The following PFKFB3 variants were observed in gnomAD, a reference collection of about 807,000 sequenced individuals.
The protein encoded by PFKFB3 is 6-phosphofructo-2-kinase/fructose-2,6-biphosphatase 3.
PFKFB3 carries 33 observed loss-of-function variants against 68.0 expected under a neutral mutation model. That is an observed-to-expected ratio of 0.49 (90% CI 0.37 to 0.65). PFKFB3 has a LOEUF of 0.65. Ranked by LOEUF, PFKFB3 falls within the 30% of genes least tolerant of loss-of-function variation. The pLI is 0.00. For missense variants in PFKFB3, 586 were observed against 712.2 expected, an observed-to-expected ratio of 0.82 and a Z score of 2.02; for synonymous variants, 315 against 288.2, an observed-to-expected ratio of 1.09 and a Z score of -0.94.
At chr10:6,311,350 GTT>G in the PFKFB3 span, among the ~76,000 whole-genome samples, 1 of 152,180 alleles carries the variant, frequency 6.6e-6, no homozygotes, top group Non-Finnish European at 1.5e-5. Flanking sequence ...AGGTAGTTCT[GTT>G]CCTGCCACCT....
At chr10:6,207,173 C>T (rs558572468) in intron 1 of PFKFB3, among the ~76,000 whole-genome samples, 156 of 151,890 alleles carry the variant, frequency 1.0e-3, no homozygotes, top group African/African-American at 3.4e-3. Flanking sequence ...AACGAGACTC[C>T]GTCTGCAATC....
At chr10:6,275,064 G>A in the PFKFB3 span, among the ~76,000 whole-genome samples, 5 of 152,154 alleles carry the variant, frequency 3.3e-5, no homozygotes, top group Non-Finnish European at 5.9e-5. The surrounding 1 kb of genome is among the most constrained non-coding windows in gnomAD (Gnocchi z 4.9). Flanking sequence ...TCCACTAGGG[G>A]ACTTTTGGGG....
intron 14 of PFKFB3, among the ~76,000 whole-genome samples, chr10:6,241,449 G>T (rs924317684): frequency 1.3e-5 from 2 of 152,212 alleles, no homozygotes; most frequent in Admixed American, 6.5e-5. Context: ...TTAGGAAGGA[G>T]TCACTTAGTC....
In PFKFB3 at chr10:6,206,823, TCCTCACTTCCCAGACGGGGTGGCGGCC is replaced by T. The variant is rs1843772468; in HGVS notation, c.76+3488_76+3514del. On this transcript the variant is annotated intron_variant, in intron 1 of 14. Transcript: ENST00000379775. ...ACGATGGGCGGCCGGGCAGAGACGC[TCCTCACTTCCCAGACGGGGTGGCGGCC>T]GGGCAGAGACGCTCCTCACTTTCCA... Among the ~76,000 whole-genome samples, 4 of 19,546 alleles carry T rather than the reference TCCTCACTTCCCAGACGGGGTGGCGGCC, an allele frequency of 2.0e-4. 1 individual carries two copies. Among genetic ancestry groups the T allele is most frequent in the South Asian group, 4.5e-3 (2 of 440 alleles). The allele number at this position is 19,546 out of a possible 152,430, so 12.8% of individuals were successfully genotyped here. A position where few individuals can be genotyped will look rare whatever the true frequency, so the allele number is the denominator to read the frequency against.
At chr10:6,185,303 C>T (rs1250492761) in intron 1 of PFKFB3, among the ~76,000 whole-genome samples, 2 of 152,188 alleles carry the variant, frequency 1.3e-5, no homozygotes, top group African/African-American at 2.4e-5. Flanking sequence ...TGGGGTGGGC[C>T]GTTCCGAGCT....
At chr10:6,281,956 ATT>A in the PFKFB3 span, among the ~76,000 whole-genome samples, 4 of 142,974 alleles carry the variant, frequency 2.8e-5, no homozygotes, top group African/African-American at 2.6e-5. Flanking sequence ...CAGAGCATGA[ATT>A]TTTTTTTTTT....
the PFKFB3 span, among the ~76,000 whole-genome samples, chr10:6,326,266 C>T: frequency 6.6e-6 from 1 of 152,106 alleles, no homozygotes; most frequent in African/African-American, 2.4e-5. Flanking sequence ...GGGAACATCA[C>T]ACACTGGGGT....
chr10:6,286,604 C>G, the PFKFB3 span, among the ~76,000 whole-genome samples: 1 of 150,734 alleles, frequency 6.6e-6, no homozygotes, highest in African/African-American at 2.4e-5. Flanking sequence ...TCTCAAACTT[C>G]TGACCTCACA....
rs3084010 is a variant in PFKFB3, at chr10:6,220,942, GTGCTGC to G, written c.831+100_831+105del. The G allele has an allele frequency of 6.4e-4, 569 of 887,098 alleles. No individual in the cohort carries two copies. Among genetic ancestry groups the G allele is most frequent in the Middle Eastern group, 1.1e-3 (5 of 4,480 alleles). 55.0% of individuals were successfully genotyped at this position (887,098 alleles called of 1,614,324 possible). A position where few individuals can be genotyped will look rare whatever the true frequency, so the allele number is the denominator to read the frequency against. Reference sequence around the variant, plus strand: ...GTCTATAGGGTGGGTGGGGAGCTGTGTGCTGCTGCTGCTGCTGCTGCTGCTGCTTGG... The same window carrying G: ...GTCTATAGGGTGGGTGGGGAGCTGTGTGCTGCTGCTGCTGCTGCTGCTTGG... On this transcript the variant is annotated intron_variant, in intron 8 of 14. Coordinates refer to ENST00000379775, the MANE Select transcript of PFKFB3 (RefSeq NM_004566.4). This position sits in a 1 kb window ranked among gnomAD's most constrained non-coding sequence, Gnocchi z 4.1.
chr10:6,155,749 G>A (rs1048003215), intron 1 of PFKFB3, among the ~76,000 whole-genome samples: 8 of 152,168 alleles, frequency 5.3e-5, no homozygotes, highest in African/African-American at 1.9e-4. Flanking sequence ...CGACAGTCAG[G>A]TCACCCCTAC....
At chr10:6,302,075 AAC>A in the PFKFB3 span, among the ~76,000 whole-genome samples, 1 of 149,934 alleles carries the variant, frequency 6.7e-6, no homozygotes, top group Non-Finnish European at 1.5e-5. Flanking sequence ...TTTTTTTTGA[AAC>A]AGAGTCTTGC....
intron 14 of PFKFB3, among the ~76,000 whole-genome samples, chr10:6,230,888 G>T (rs1384044492): frequency 6.6e-6 from 1 of 152,098 alleles, no homozygotes; most frequent in Non-Finnish European, 1.5e-5. Flanking sequence ...GCTAATGTTT[G>T]TATTTTTAGT....
intron 6 of PFKFB3, among the ~76,000 whole-genome samples, chr10:6,219,072 A>G (rs1343624590): frequency 6.6e-6 from 1 of 152,244 alleles, no homozygotes; most frequent in Non-Finnish European, 1.5e-5. Flanking sequence ...TTGGAGAAGC[A>G]GTTAACCACG....
intron 12 of PFKFB3, 23 bp from the exon 13 acceptor site, chr10:6,224,126 T>A (rs1461576127): frequency 6.2e-7 from 1 of 1,614,122 alleles, no homozygotes; most frequent in Non-Finnish European, 8.5e-7. Flanking sequence ...CAGCTTCCTC[T>A]GCCCCCATCC....
At chr10:6,324,933 T>C in the PFKFB3 span, among the ~76,000 whole-genome samples, 1 of 152,076 alleles carries the variant, frequency 6.6e-6, no homozygotes, top group Non-Finnish European at 1.5e-5. Flanking sequence ...AATACATACA[T>C]AGGTATATAC....
rs897715654 is a variant in PFKFB3, at chr10:6,233,097, G to A, written c.*155G>A. The A allele has an allele frequency of 7.7e-5, 50 of 651,496 alleles. No homozygotes were observed. Among genetic ancestry groups the A allele is most frequent in the Non-Finnish European group, 1.1e-4 (40 of 366,402 alleles). The allele number at this position is 651,496 out of a possible 1,614,324, so 40.4% of individuals were successfully genotyped here. On this transcript the variant is annotated 3_prime_UTR_variant, in exon 15 of 15. Transcript: ENST00000379775. ...GCCGAAGAGAACCATGCTTGGCACC[G>A]TCTGTGTCCCCTCGGCCGCTGGACA...
At chr10:6,188,828 ATTTTTTTTT>A (rs35338599) in intron 1 of PFKFB3, among the ~76,000 whole-genome samples, 3 of 113,078 alleles carry the variant, frequency 2.7e-5, no homozygotes, top group Non-Finnish European at 5.4e-5. Flanking sequence ...CTTCCTTTTA[ATTTTTTTTT>A]TTTTTTTTTT....
At chr10:6,192,938 TG>T (rs138763408) in intron 1 of PFKFB3, among the ~76,000 whole-genome samples, 5,500 of 152,282 alleles carry the variant, frequency 0.036, 343 homozygotes, top group African/African-American at 0.13. Context: ...ATGGGGCTGC[TG>T]TTCTCATTCT....
At chr10:6,303,107 T>G in the PFKFB3 span, among the ~76,000 whole-genome samples, 9 of 152,312 alleles carry the variant, frequency 5.9e-5, no homozygotes, top group South Asian at 1.9e-3. Context: ...CAGCAACTGT[T>G]TGTTTATTAC....
Sources: allele counts gnomAD v4.1 joint callset (sites outside exome capture counted in the v4.1 genomes callset), GRCh38; gene constraint gnomAD v4.1.1; non-coding constraint Gnocchi (gnomAD v3.1); transcripts MANE v1.5; gene names NCBI Gene and HGNC (gene_info 2026-07-23, HGNC 2026-07-21).